ATP6V0A4: variants seen among roughly 807,000 people sequenced by gnomAD.
ATP6V0A4 encodes the protein ATPase H+ transporting V0 subunit a4, also known as V-type proton ATPase 116 kDa subunit a 4.
ATP6V0A4 carries 86 observed loss-of-function variants against 107.3 expected under a neutral mutation model. That is an observed-to-expected ratio of 0.80 (90% CI 0.67 to 0.96). The LOEUF (loss-of-function observed/expected upper bound fraction) is 0.96. ATP6V0A4 is among the 40% of genes least tolerant of loss of function. The probability of loss-of-function intolerance (pLI) is 0.00; values close to 1 mark genes in which losing one functional copy is unlikely to be tolerated. For missense variants in ATP6V0A4, 908 were observed against 1,045.6 expected (o/e 0.87, Z 1.81); for synonymous variants, 353 against 381.4 (o/e 0.93, Z 0.87).
chr7:138,759,772 G>C lies in ATP6V0A4; in HGVS notation c.619C>G (p.Pro207Ala). 6.2e-7 allele frequency: 1 copy of C among 1,614,120 alleles called. No individual in the cohort carries two copies. Among genetic ancestry groups the C allele is most frequent in the Non-Finnish European group, 8.5e-7 (1 of 1,180,032 alleles). The change falls in exon 8 of 22, where the codon CCT becomes GCT. Residue 207 changes from proline to alanine, a missense_variant. Transcript: ENST00000310018. Reference sequence around the variant, plus strand: ...CCCACCGTCACAGGATCCTCCAGAGGGGCGTCCATCTCACTGAACTTCAAG... The same window carrying C: ...CCCACCGTCACAGGATCCTCCAGAGCGGCGTCCATCTCACTGAACTTCAAG... ...VYLKFSEMDAPLEDPVTKEEI... is the reference protein window; with the variant it reads ...VYLKFSEMDAALEDPVTKEEI...
At chr7:138,786,539 A>G (rs1047006123) in intron 1 of ATP6V0A4, among the ~76,000 whole-genome samples, 5 of 151,840 alleles carry the variant, frequency 3.3e-5, no homozygotes, top group African/African-American at 1.2e-4. Flanking sequence ...AGATTGCACC[A>G]CTGCACTCCA....
At chr7:138,743,822 G>A (rs778701380) in intron 14 of ATP6V0A4, among the ~76,000 whole-genome samples, 3 of 152,132 alleles carry the variant, frequency 2.0e-5, no homozygotes, top group African/African-American at 7.2e-5. Flanking sequence ...TAGCCCTCAC[G>A]CTACTGTGGG....
At chr7:138,735,374 A>G (rs1326177816) in intron 15 of ATP6V0A4, among the ~76,000 whole-genome samples, 1 of 152,178 alleles carries the variant, frequency 6.6e-6, no homozygotes, top group African/African-American at 2.4e-5. Flanking sequence ...ACAAGGGCAC[A>G]ATGGCTTTCT....
At chr7:138,775,944 T>C (rs1367944928) in intron 2 of ATP6V0A4, among the ~76,000 whole-genome samples, 2 of 151,986 alleles carry the variant, frequency 1.3e-5, no homozygotes. Context: ...GCCACCGTGC[T>C]CAGCCATTGG....
rs779845751 is a variant in ATP6V0A4 at position 138,759,776 on chromosome 7, G to A, written c.615C>T (p.Asp205=). 12 of 1,614,006 alleles carry A rather than the reference G, an allele frequency of 7.4e-6. No individual in the cohort carries two copies. Among genetic ancestry groups the A allele is most frequent in the Middle Eastern group, 3.3e-4 (2 of 6,084 alleles). Residue 205 remains aspartate (D), a synonymous_variant, in exon 8 of 22, where the codon GAC becomes GAT. Coordinates refer to ENST00000310018, the MANE Select transcript of ATP6V0A4 (RefSeq NM_020632.3). ...GNVYLKFSEM[D]APLEDPVTKE... ...CCGTCACAGGATCCTCCAGAGGGGC[G>A]TCCATCTCACTGAACTTCAAGTACA...
intron 17 of ATP6V0A4, among the ~76,000 whole-genome samples, chr7:138,730,522 A>C (rs1192220694): frequency 1.3e-5 from 2 of 152,184 alleles, no homozygotes; most frequent in Non-Finnish European, 2.9e-5. Flanking sequence ...ATTAATCTTC[A>C]CACTAGGGTG....
chr7:138,792,179 G>A (rs192170326), intron 1 of ATP6V0A4, among the ~76,000 whole-genome samples: 1,856 of 152,158 alleles, frequency 0.012, 30 homozygotes, highest in African/African-American at 0.042. Context: ...GTGGTGGCGG[G>A]CACCTGTAGT....
intron 1 of ATP6V0A4, among the ~76,000 whole-genome samples, chr7:138,794,322 G>A (rs1808555055): frequency 1.3e-5 from 2 of 152,114 alleles, no homozygotes; most frequent in African/African-American, 4.8e-5. Flanking sequence ...CCAAGTTCAA[G>A]GTGAGAGGTC....
Position 138,715,850 on chromosome 7 carries a change from G to T in ATP6V0A4, c.2171C>A (p.Ala724Asp), listed in dbSNP as rs1804009166. 6.2e-7 allele frequency: 1 copy of T among 1,613,534 alleles called. No individual in the cohort carries two copies. The highest frequency in any genetic ancestry group is 8.5e-7 in the Non-Finnish European group (1 of 1,179,588). The change falls in exon 20 of 22, where the codon GCC becomes GAC. Residue 724 changes from alanine to aspartate, a missense_variant. By Grantham distance (126) the Ala-to-Asp change is moderately radical. Transcript: ENST00000310018. ...CAGGCAGTACTCGATGGTGTGGATG[G>T]CTTGGTGGACAAAGACGTCTCCAAA... is the stretch of plus-strand genomic sequence containing the variant. ...FNFGDVFVHQAIHTIEYCLGC... is the reference protein window; with the variant it reads ...FNFGDVFVHQDIHTIEYCLGC...
At chr7:138,709,208 C>CAAAAAAAA (rs60144433) in intron 21 of ATP6V0A4, among the ~76,000 whole-genome samples, 2 of 49,330 alleles carry the variant, frequency 4.1e-5, no homozygotes, top group African/African-American at 7.5e-5. Context: ...GAGCCTGTCT[C>CAAAAAAAA]AAAAAAAAAA....
chr7:138,775,565 C>T (rs1225755969), intron 2 of ATP6V0A4, among the ~76,000 whole-genome samples: 1 of 151,898 alleles, frequency 6.6e-6, no homozygotes, highest in African/African-American at 2.4e-5. Context: ...CAGCCTCAAC[C>T]TCCTGGGCTC....
Position 138,760,444 on chromosome 7 carries a change from C to CAAA in ATP6V0A4, c.513-569_513-567dup, listed in dbSNP as rs570463822. 5.1e-3 allele frequency among the ~76,000 whole-genome samples: 309 copies of CAAA among 60,608 alleles called. 5 individuals are homozygous for CAAA. The highest frequency in any genetic ancestry group is 0.017 in the South Asian group (35 of 2,008). The allele number at this position is 60,608 out of a possible 152,430, so 39.8% of individuals were successfully genotyped here. A position where few individuals can be genotyped will look rare whatever the true frequency, so the allele number is the denominator to read the frequency against. On this transcript the variant is annotated intron_variant, in intron 7 of 21. Coordinates refer to ENST00000310018, the MANE Select transcript of ATP6V0A4 (RefSeq NM_020632.3). Reference sequence around the variant, plus strand: ...GGCAGAGAAGGGTGAAACTCTGTCTCAAAAAAAAAAAAAAAAAAAAGAATA... The same window carrying CAAA: ...GGCAGAGAAGGGTGAAACTCTGTCTCAAAAAAAAAAAAAAAAAAAAAAAGAATA...
intron 2 of ATP6V0A4, among the ~76,000 whole-genome samples, chr7:138,776,311 G>C (rs1202099004): frequency 6.6e-6 from 1 of 152,198 alleles, no homozygotes; most frequent in Non-Finnish European, 1.5e-5. Context: ...CCCTCTGAGA[G>C]AGCACCTGCT....
chr7:138,773,468 G>A lies in ATP6V0A4; in HGVS notation c.-17-2204C>T, dbSNP rs535878626. Among the ~76,000 whole-genome samples, 2 of 152,190 alleles carry A rather than the reference G, an allele frequency of 1.3e-5. No homozygotes were observed. Among genetic ancestry groups the A allele is most frequent in the South Asian group, 2.1e-4 (1 of 4,818 alleles). On this transcript the variant is annotated intron_variant, in intron 2 of 21. Transcript: ENST00000310018. The surrounding 1 kb of genome is among the most constrained non-coding windows in gnomAD (Gnocchi z 5.4). ...AGCCCCCTCCTACATGCCCCCAGAAGAGCAATCATTTGCAATCGCTTGTTT... is the reference window on the plus strand; with the variant it reads ...AGCCCCCTCCTACATGCCCCCAGAAAAGCAATCATTTGCAATCGCTTGTTT...
rs189630042 is a variant in ATP6V0A4, at chr7:138,796,017, G to A, written c.-121+2017C>T. ...GTCTCAAACATTTTTGAGATCCTTG[G>A]AAATCTTGGGGATTCCACGTACCGC... On this transcript the variant is annotated intron_variant, in intron 1 of 21. Transcript: ENST00000310018. Among the ~76,000 whole-genome samples the A allele has an allele frequency of 1.8e-3, 274 of 152,168 alleles. 9 individuals carry two copies. In the South Asian group the frequency reaches 0.044, roughly 24 times the overall value.
At chr7:138,763,899 A>C (rs1198216670) in intron 5 of ATP6V0A4, among the ~76,000 whole-genome samples, 2 of 150,930 alleles carry the variant, frequency 1.3e-5, no homozygotes, top group African/African-American at 4.9e-5. Context: ...GGCAGAGGTT[A>C]CAGTGAGCAG....
At chr7:138,772,226 A>G (rs1307928419) in intron 2 of ATP6V0A4, among the ~76,000 whole-genome samples, 1 of 152,242 alleles carries the variant, frequency 6.6e-6, no homozygotes, top group East Asian at 1.9e-4. Flanking sequence ...CCACAAATCA[A>G]GATGTCCACT....
chr7:138,740,775 G>A (rs192656262), intron 14 of ATP6V0A4, among the ~76,000 whole-genome samples: 137 of 152,012 alleles, frequency 9.0e-4, no homozygotes, highest in African/African-American at 3.2e-3. Context: ...AAGCCTTAAG[G>A]GGATGAGAAT....
intron 2 of ATP6V0A4, among the ~76,000 whole-genome samples, chr7:138,777,459 A>G (rs1478164483): frequency 6.6e-6 from 1 of 152,048 alleles, no homozygotes; most frequent in East Asian, 1.9e-4. Flanking sequence ...TACTAAAAAT[A>G]CAAAAAATTA....
Sources: allele counts gnomAD v4.1 joint callset (sites outside exome capture counted in the v4.1 genomes callset), GRCh38; gene constraint gnomAD v4.1.1; non-coding constraint Gnocchi (gnomAD v3.1); transcripts MANE v1.5; gene names NCBI Gene and HGNC (gene_info 2026-07-23, HGNC 2026-07-21).